The following KCNK13 variants were observed in gnomAD, a reference collection of about 807,000 sequenced individuals.
KCNK13 encodes potassium two pore domain channel subfamily K member 13, also known as potassium channel subfamily K member 13.
KCNK13 carries 12 observed loss-of-function variants against 23.4 expected under a neutral mutation model. That is an observed-to-expected ratio of 0.51 (90% CI 0.33 to 0.83). The LOEUF is 0.83. KCNK13 is among the 40% of genes least tolerant of loss of function. The pLI is 0.02. For missense variants in KCNK13, 463 were observed against 556.3 expected (o/e 0.83, Z 1.69); for synonymous variants, 231 against 229.5 (o/e 1.01, Z -0.06).
chr14:90,085,795 TTATATTATATATTATATTA>T (rs1316317058), intron 1 of KCNK13, among the ~76,000 whole-genome samples: 2 of 121,160 alleles, frequency 1.7e-5, no homozygotes, highest in African/African-American at 6.9e-5. Context: ...ATTATATACT[TTATATTATATATTATATTA>T]TATATTATAT....
intron 1 of KCNK13, among the ~76,000 whole-genome samples, chr14:90,115,381 A>C (rs1453550890): frequency 6.6e-6 from 1 of 152,202 alleles, no homozygotes; most frequent in Non-Finnish European, 1.5e-5. Flanking sequence ...AAGGGCCCTA[A>C]TTCAGAACCG....
intron 1 of KCNK13, among the ~76,000 whole-genome samples, chr14:90,146,912 G>T (rs1020118519): frequency 5.3e-5 from 8 of 151,094 alleles, no homozygotes; most frequent in Non-Finnish European, 7.4e-5. Flanking sequence ...GTCTTTGTTG[G>T]CTTATTAGTT....
rs58298689 is a variant in KCNK13, at chr14:90,110,876, G to T, written c.334+48337G>T. 1.1e-4 allele frequency among the ~76,000 whole-genome samples: 16 copies of T among 152,108 alleles called. No individual in the cohort carries two copies. In the East Asian group the frequency reaches 3.1e-3, roughly 30 times the overall value. On this transcript the variant is annotated intron_variant, in intron 1 of 1. Transcript: ENST00000282146. ...ATACAAAAATTAGCTGGACATGGTGGCAGGTGCCTGTAATCCCAGCTACTC... is the reference window on the plus strand; with the variant it reads ...ATACAAAAATTAGCTGGACATGGTGTCAGGTGCCTGTAATCCCAGCTACTC...
chr14:90,139,965 A>G (rs991105588), intron 1 of KCNK13, among the ~76,000 whole-genome samples: 1 of 152,122 alleles, frequency 6.6e-6, no homozygotes, highest in Non-Finnish European at 1.5e-5. Flanking sequence ...ACGTCTCAAA[A>G]ACAAACAAAA....
intron 1 of KCNK13, among the ~76,000 whole-genome samples, chr14:90,171,834 C>T (rs1160659390): frequency 6.6e-6 from 1 of 152,174 alleles, no homozygotes; most frequent in Non-Finnish European, 1.5e-5. Context: ...GAGCAGTTCC[C>T]AACTTGACTT....
At chr14:90,179,302 AT>A (rs1162267175) in intron 1 of KCNK13, among the ~76,000 whole-genome samples, 1 of 151,570 alleles carries the variant, frequency 6.6e-6, no homozygotes, top group African/African-American at 2.4e-5. Flanking sequence ...TGTTTGAAAA[AT>A]ATCATAATAC....
chr14:90,094,327 A>T (rs1467411874), intron 1 of KCNK13, among the ~76,000 whole-genome samples: 1 of 152,232 alleles, frequency 6.6e-6, no homozygotes, highest in Non-Finnish European at 1.5e-5. Context: ...TGAGCCAGCC[A>T]TAACACTTGT....
chr14:90,134,554 A>C (rs536461211), intron 1 of KCNK13, among the ~76,000 whole-genome samples: 2 of 152,290 alleles, frequency 1.3e-5, no homozygotes, highest in South Asian at 2.1e-4. Context: ...CACACACACA[A>C]AGACTGAATG....
chr14:90,092,060 T>C (rs374133045), intron 1 of KCNK13, among the ~76,000 whole-genome samples: 7 of 151,758 alleles, frequency 4.6e-5, no homozygotes, highest in African/African-American at 1.7e-4. Context: ...TAGCTGGGAC[T>C]ACAGGTGCCC....
chr14:90,065,820 C>G (rs1465486144), intron 1 of KCNK13, among the ~76,000 whole-genome samples: 1 of 152,148 alleles, frequency 6.6e-6, no homozygotes, highest in Non-Finnish European at 1.5e-5. Context: ...AATGATAACA[C>G]GATCCCAAGG....
chr14:90,145,003 C>CTAAGAGTT (rs1890057131), intron 1 of KCNK13, among the ~76,000 whole-genome samples: 1 of 152,118 alleles, frequency 6.6e-6, no homozygotes, highest in African/African-American at 2.4e-5. Context: ...GAGTTATCAC[C>CTAAGAGTT]ATGAATGGAT....
chr14:90,122,720 G>C (rs921845128), intron 1 of KCNK13, among the ~76,000 whole-genome samples: 1 of 152,126 alleles, frequency 6.6e-6, no homozygotes, highest in African/African-American at 2.4e-5. Context: ...GAAAAAAAAG[G>C]GAGAAACTAA....
At chr14:90,063,488 T>C (rs1302834355) in intron 1 of KCNK13, among the ~76,000 whole-genome samples, 1 of 151,886 alleles carries the variant, frequency 6.6e-6, no homozygotes, top group East Asian at 1.9e-4. Context: ...TTAGGGAAGA[T>C]GCTGTAGAAA....
At chr14:90,117,406 G>A (rs8022723) in intron 1 of KCNK13, among the ~76,000 whole-genome samples, 119,340 of 151,978 alleles carry the variant, frequency 0.79, 46,921 homozygotes, top group African/African-American at 0.81. Context: ...CCTGGCCAAC[G>A]TGATGAAACC....
chr14:90,103,703 T>C (rs568117607), intron 1 of KCNK13, among the ~76,000 whole-genome samples: 36 of 152,052 alleles, frequency 2.4e-4, no homozygotes, highest in Non-Finnish European at 4.7e-4. Context: ...GCTGGGATTA[T>C]AGGCTCCCAC....
At chr14:90,126,426 C>T (rs952748030) in intron 1 of KCNK13, among the ~76,000 whole-genome samples, 11 of 146,266 alleles carry the variant, frequency 7.5e-5, no homozygotes, top group Non-Finnish European at 1.5e-4. Flanking sequence ...TAGTGTATCC[C>T]CTTGATGTGA....
intron 1 of KCNK13, among the ~76,000 whole-genome samples, chr14:90,114,930 A>G (rs1889658490): frequency 6.6e-6 from 1 of 152,214 alleles, no homozygotes; most frequent in Non-Finnish European, 1.5e-5. Context: ...ATGCAGGTGC[A>G]GGTTCACCTC....
chr14:90,065,524 G>A (rs780502860), intron 1 of KCNK13, among the ~76,000 whole-genome samples: 5 of 152,140 alleles, frequency 3.3e-5, no homozygotes, highest in African/African-American at 7.2e-5. Flanking sequence ...TCCAGGATAC[G>A]CTATTAAGGC....
intron 1 of KCNK13, among the ~76,000 whole-genome samples, chr14:90,164,455 G>T (rs1468175655): frequency 2.6e-5 from 4 of 152,166 alleles, no homozygotes; most frequent in Non-Finnish European, 4.4e-5. Context: ...TTAAAGAAAT[G>T]GAAGGAAGGG....
Sources: allele counts gnomAD v4.1 joint callset (sites outside exome capture counted in the v4.1 genomes callset), GRCh38; gene constraint gnomAD v4.1.1; transcripts MANE v1.5; gene names NCBI Gene and HGNC (gene_info 2026-07-23, HGNC 2026-07-21).